Variants in BDKRB2 observed in about 807,000 individuals in gnomAD.
BDKRB2 encodes bradykinin receptor B2, also known as B2 bradykinin receptor.
In BDKRB2, 6 loss-of-function variants were observed where a neutral mutation model predicts 4.0. That is an observed-to-expected ratio of 1.49 (90% CI 0.81 to 2.93). The LOEUF is 2.93. BDKRB2 is among the 30% of genes most tolerant of loss of function. The pLI, the probability that BDKRB2 is intolerant of heterozygous loss-of-function variation, is 0.00. For missense variants in BDKRB2, 478 were observed against 520.1 expected, an observed-to-expected ratio of 0.92 and a Z score of 0.79; for synonymous variants, 225 against 215.3, an observed-to-expected ratio of 1.05 and a Z score of -0.40.
chr14:96,208,261 T>C (rs1265575417), intron 1 of BDKRB2, among the ~76,000 whole-genome samples: 1 of 152,208 alleles, frequency 6.6e-6, no homozygotes, highest in Non-Finnish European at 1.5e-5. Flanking sequence ...CCAGGGTTGT[T>C]TTCTAGAACA....
intron 1 of BDKRB2, among the ~76,000 whole-genome samples, chr14:96,222,471 G>GCCACCA (rs1890596630): frequency 6.6e-6 from 1 of 151,994 alleles, no homozygotes; most frequent in Non-Finnish European, 1.5e-5. Flanking sequence ...AGCCTATCCA[G>GCCACCA]CCACCACCAA....
At position 96,243,982 on chromosome 14, in the gene BDKRB2, C is replaced by T. The variant is rs1408904600; in HGVS notation, c.*2478C>T. 4 of 388,202 alleles carry T rather than the reference C, an allele frequency of 1.0e-5. No homozygotes were observed. The highest frequency in any genetic ancestry group is 1.4e-4 in the South Asian group (1 of 6,936). The allele number at this position is 388,202 out of a possible 1,614,324, so 24.0% of individuals were successfully genotyped here. On this transcript the variant is annotated 3_prime_UTR_variant, in exon 3 of 3. Coordinates refer to ENST00000554311, the MANE Select transcript of BDKRB2 (RefSeq NM_001379692.1). ...GATCCACACCTGGTCTGAGGGGCAACTGAGTCTGCGGGAGAAGAGCGGCCC... is the reference window on the plus strand; with the variant it reads ...GATCCACACCTGGTCTGAGGGGCAATTGAGTCTGCGGGAGAAGAGCGGCCC...
At chr14:96,210,266 G>A (rs530852553) in intron 1 of BDKRB2, among the ~76,000 whole-genome samples, 8 of 152,290 alleles carry the variant, frequency 5.3e-5, no homozygotes, top group African/African-American at 1.7e-4. Context: ...AACGGGAGGC[G>A]GGTTGCATGA....
intron 2 of BDKRB2, 108 bp downstream of exon 2, chr14:96,237,289 C>T: frequency 1.9e-6 from 2 of 1,059,128 alleles, no homozygotes; most frequent in South Asian, 1.5e-5. Flanking sequence ...GTTGAAGGAA[C>T]CAGTGATGTT....
At chr14:96,223,311 G>T in intron 1 of BDKRB2, 1 of 1,069,096 alleles carries the variant, frequency 9.4e-7, no homozygotes. Context: ...ACATCTTGCT[G>T]TTCCGGCGCC....
At chr14:96,218,601 C>T (rs1890481599) in intron 1 of BDKRB2, among the ~76,000 whole-genome samples, 1 of 152,154 alleles carries the variant, frequency 6.6e-6, no homozygotes, top group African/African-American at 2.4e-5. Context: ...CTGGGTTTCC[C>T]CATCTGCAAA....
intron 1 of BDKRB2, chr14:96,233,561 A>AT (rs1193876754): frequency 6.6e-6 from 1 of 152,070 alleles, no homozygotes; most frequent in Non-Finnish European, 1.5e-5. Context: ...TGTTTCTTGG[A>AT]TTCTTTCCAC....
chr14:96,235,903 G>A (rs2069572), intron 1 of BDKRB2, among the ~76,000 whole-genome samples: 5,874 of 152,246 alleles, frequency 0.039, 192 homozygotes, highest in East Asian at 0.13. Context: ...GTCACTTGGT[G>A]TCCTGGAGAG....
At chr14:96,215,944 C>T (rs1251791523) in intron 1 of BDKRB2, among the ~76,000 whole-genome samples, 1 of 152,204 alleles carries the variant, frequency 6.6e-6, no homozygotes, top group Non-Finnish European at 1.5e-5. Context: ...CTATGACTCC[C>T]GTTCTCCCTG....
chr14:96,241,799 T>A lies in BDKRB2; in HGVS notation c.*295T>A. The A allele has an allele frequency of 3.6e-6, 1 of 278,786 alleles. No homozygotes were observed. Among genetic ancestry groups the A allele is most frequent in the Non-Finnish European group, 6.6e-6 (1 of 150,916 alleles). 17.3% of individuals were successfully genotyped at this position (278,786 alleles called of 1,614,324 possible). A position where few individuals can be genotyped will look rare whatever the true frequency, so the allele number is the denominator to read the frequency against. On this transcript the variant is annotated 3_prime_UTR_variant, in exon 3 of 3. Coordinates refer to ENST00000554311, the MANE Select transcript of BDKRB2 (RefSeq NM_001379692.1). ...CTCCTTCCCAGGAGTGGAGGAGGCCTGGGGGCAGGGAGAGGAGTGACTGAG... is the reference window on the plus strand; with the variant it reads ...CTCCTTCCCAGGAGTGGAGGAGGCCAGGGGGCAGGGAGAGGAGTGACTGAG...
chr14:96,231,374 C>T (rs1890815504), intron 1 of BDKRB2, among the ~76,000 whole-genome samples: 1 of 152,192 alleles, frequency 6.6e-6, no homozygotes, highest in African/African-American at 2.4e-5. Context: ...CGTCTTCCCC[C>T]TACAGACAGC....
intron 1 of BDKRB2, among the ~76,000 whole-genome samples, chr14:96,218,894 G>C (rs534298749): frequency 6.6e-6 from 1 of 150,992 alleles, no homozygotes; most frequent in South Asian, 2.1e-4. Flanking sequence ...ACTCCAGTCT[G>C]GGTGACAGAG....
chr14:96,239,237 G>T (rs533685518), intron 2 of BDKRB2: 2 of 980,496 alleles, frequency 2.0e-6, no homozygotes, highest in African/African-American at 3.5e-5. Flanking sequence ...GTGTGTCTTC[G>T]CATCCACTCT....
intron 2 of BDKRB2, chr14:96,239,757 A>G (rs1885222775): frequency 1.0e-6 from 1 of 975,282 alleles, no homozygotes; most frequent in South Asian, 4.7e-5. Context: ...GCTTATAAGT[A>G]AGGCAGCCAG....
chr14:96,205,026 AGAGG>A (rs1204676558), intron 1 of BDKRB2, 67 bp downstream of exon 1: 41 of 163,932 alleles, frequency 2.5e-4, no homozygotes, highest in South Asian at 1.7e-3. Flanking sequence ...GTCCCAGCAC[AGAGG>A]GAGGGAGGGA....
rs550340860 is a variant in BDKRB2 at position 96,241,162 on chromosome 14, A to G, written c.834A>G (p.Leu278=). Reference sequence around the variant, plus strand: ...TGCTAGTCCTGGTTGTGCTGCTGCTATTCATCATCTGCTGGCTGCCCTTCC... The same window carrying G: ...TGCTAGTCCTGGTTGTGCTGCTGCTGTTCATCATCTGCTGGCTGCCCTTCC... The part of the protein sequence containing the change: ...ATVLVLVVLL[L]FIICWLPFQI... The change falls in exon 3 of 3, where the codon CTA becomes CTG. Residue 278 remains leucine, a synonymous_variant. Coordinates refer to ENST00000554311, the MANE Select transcript of BDKRB2 (RefSeq NM_001379692.1). 5 of 1,606,654 alleles carry G rather than the reference A, an allele frequency of 3.1e-6. No homozygotes were observed. Among genetic ancestry groups the G allele is most frequent in the African/African-American group, 2.7e-5 (2 of 74,930 alleles).
intron 1 of BDKRB2, among the ~76,000 whole-genome samples, chr14:96,209,004 A>T (rs1333793620): frequency 6.6e-6 from 1 of 152,130 alleles, no homozygotes; most frequent in Non-Finnish European, 1.5e-5. Context: ...TGTGGTTCTT[A>T]TCATGGTCAT....
chr14:96,227,993 G>C (rs193187915), intron 1 of BDKRB2, among the ~76,000 whole-genome samples: 9 of 152,330 alleles, frequency 5.9e-5, no homozygotes, highest in Admixed American at 2.6e-4. Flanking sequence ...CCCCTGCACA[G>C]GGCTTGTTCC....
intron 2 of BDKRB2, chr14:96,239,588 A>C (rs1885217328): frequency 1.0e-6 from 1 of 985,024 alleles, no homozygotes; most frequent in African/African-American, 1.7e-5. Context: ...AAGAATTGTT[A>C]ATTACTAATG....
Sources: allele counts gnomAD v4.1 joint callset (sites outside exome capture counted in the v4.1 genomes callset), GRCh38; gene constraint gnomAD v4.1.1; transcripts MANE v1.5; gene names NCBI Gene and HGNC (gene_info 2026-07-23, HGNC 2026-07-21).